Variants in SLC25A13 observed in about 807,000 individuals in gnomAD.
SLC25A13 encodes solute carrier family 25 member 13.
SLC25A13 carries 70 observed loss-of-function variants against 85.5 expected under a neutral mutation model. The observed-to-expected ratio is 0.82, with a 90% CI of 0.68 to 1.00. The LOEUF is 1.00. SLC25A13 is among the 50% of genes least tolerant of loss of function. The pLI is 0.00. For missense variants in SLC25A13, 765 were observed against 819.8 expected (o/e 0.93, Z 0.82); for synonymous variants, 259 against 288.7 (o/e 0.90, Z 1.04).
At chr7:96,310,781 T>C (rs1799920624) in intron 1 of SLC25A13, among the ~76,000 whole-genome samples, 1 of 152,236 alleles carries the variant, frequency 6.6e-6, no homozygotes, top group Non-Finnish European at 1.5e-5. Context: ...TGGCTCCTTT[T>C]AGGGAGCAAT....
chr7:96,184,196 A>G, intron 11 of SLC25A13, 81 bp downstream of exon 11: 1 of 1,513,066 alleles, frequency 6.6e-7, no homozygotes, highest in Non-Finnish European at 9.2e-7. Flanking sequence ...CAGTCTTGCT[A>G]ATTCATGTCA....
At position 96,281,343 on chromosome 7, in the gene SLC25A13, A is replaced by C. The variant is rs375806298; in HGVS notation, c.70-4005T>G. ...GAGGCAGAAGTTGCAGTGAGCTGAG[A>C]CCGCCCCATTGCACTCCAGCCTGGG... On this transcript the variant is annotated intron_variant, in intron 2 of 17. Transcript: ENST00000265631. 5.5e-3 allele frequency among the ~76,000 whole-genome samples: 808 copies of C among 147,732 alleles called. 10 individuals carry two copies. The highest frequency in any genetic ancestry group is 0.02 in the African/African-American group (780 of 39,694).
intron 3 of SLC25A13, among the ~76,000 whole-genome samples, chr7:96,261,872 C>T (rs1003403203): frequency 6.6e-6 from 1 of 152,058 alleles, no homozygotes; most frequent in Non-Finnish European, 1.5e-5. Flanking sequence ...ATCACATGGG[C>T]AAGGGAAAGA....
chr7:96,171,454 C>T lies in SLC25A13; in HGVS notation c.1230+18G>A. 3 of 1,608,206 alleles carry T rather than the reference C, an allele frequency of 1.9e-6. No individual in the cohort carries two copies. The highest frequency in any genetic ancestry group is 2.6e-6 in the Non-Finnish European group (3 of 1,174,730). ...GTACAAAATCCCTTAATAAGAAGCA[C>T]CAACTCAAAAGACTTACTGTAAGTT... On this transcript the variant is annotated intron_variant, in intron 12 of 17. Transcript: ENST00000265631.
intron 3 of SLC25A13, 66 bp downstream of exon 3, chr7:96,277,130 C>A: frequency 6.7e-7 from 1 of 1,484,098 alleles, no homozygotes; most frequent in South Asian, 1.3e-5. Flanking sequence ...ACTTCCTGGT[C>A]ATTAGAGCAA....
chr7:96,127,436 T>C (rs915684792), intron 15 of SLC25A13, among the ~76,000 whole-genome samples: 1 of 152,082 alleles, frequency 6.6e-6, no homozygotes, highest in Non-Finnish European at 1.5e-5. Context: ...ACTAGATACA[T>C]GAACAAAACA....
chr7:96,250,321 T>C (rs1797367058), intron 3 of SLC25A13, among the ~76,000 whole-genome samples: 1 of 152,172 alleles, frequency 6.6e-6, no homozygotes, highest in African/African-American at 2.4e-5. Context: ...GTAGATGCAA[T>C]ATCCTCAGTG....
At chr7:96,207,246 A>G (rs1478204573) in intron 5 of SLC25A13, among the ~76,000 whole-genome samples, 1 of 152,220 alleles carries the variant, frequency 6.6e-6, no homozygotes, top group Non-Finnish European at 1.5e-5. Context: ...AGACAGCAGG[A>G]CAAATTATAT....
rs1325366539 is a variant in SLC25A13 at position 96,120,715 on chromosome 7, CA to C, written c.*475del. ...TTTGTGCATGCTTACAATTTGAAGC[CA>C]GGCTGAATATATTTGATATATATTT... On this transcript the variant is annotated 3_prime_UTR_variant, in exon 18 of 18. Coordinates refer to ENST00000265631, the MANE Select transcript of SLC25A13 (RefSeq NM_014251.3). 1 of 454,238 alleles carries C rather than the reference CA, an allele frequency of 2.2e-6. No homozygotes were observed. The highest frequency in any genetic ancestry group is 4.4e-6 in the Non-Finnish European group (1 of 226,816). 28.1% of individuals were successfully genotyped at this position (454,238 alleles called of 1,614,324 possible).
chr7:96,270,799 C>T (rs1798212742), intron 3 of SLC25A13, among the ~76,000 whole-genome samples: 1 of 152,096 alleles, frequency 6.6e-6, no homozygotes, highest in Admixed American at 6.6e-5. Flanking sequence ...ATGAGAAGCC[C>T]TAAATCAAGA....
chr7:96,217,968 C>CAAATTACTT (rs1584469875), intron 4 of SLC25A13, among the ~76,000 whole-genome samples: 3 of 150,042 alleles, frequency 2.0e-5, no homozygotes, highest in Non-Finnish European at 4.4e-5. Flanking sequence ...TAACCCTGGG[C>CAAATTACTT]AAATTACTTA....
At chr7:96,306,568 G>A (rs1241238375) in intron 1 of SLC25A13, among the ~76,000 whole-genome samples, 4 of 149,612 alleles carry the variant, frequency 2.7e-5, no homozygotes, top group South Asian at 4.3e-4. Context: ...GCAGCCAAAC[G>A]GTAGAGAGCC....
chr7:96,122,056 C>T (rs893880235), intron 15 of SLC25A13, 59 bp from the exon 16 acceptor site: 2 of 1,606,910 alleles, frequency 1.2e-6, no homozygotes, highest in Non-Finnish European at 1.7e-6. Context: ...ATAAAAATAA[C>T]TGTGCTTTGA....
chr7:96,315,092 A>T (rs1800082684), intron 1 of SLC25A13, among the ~76,000 whole-genome samples: 1 of 152,206 alleles, frequency 6.6e-6, no homozygotes. Flanking sequence ...CCTCTATTCC[A>T]GGATTATCAC....
At chr7:96,305,597 A>G (rs1009405878) in intron 1 of SLC25A13, among the ~76,000 whole-genome samples, 4 of 152,220 alleles carry the variant, frequency 2.6e-5, no homozygotes, top group African/African-American at 9.6e-5. Context: ...TGATTGTGCT[A>G]TTCTGAAGAC....
At chr7:96,308,726 A>G (rs1336465154) in intron 1 of SLC25A13, among the ~76,000 whole-genome samples, 1 of 152,248 alleles carries the variant, frequency 6.6e-6, no homozygotes, top group Non-Finnish European at 1.5e-5. Flanking sequence ...AATATTTGAC[A>G]TAACAATTTA....
chr7:96,136,134 T>A (rs1278754736), intron 14 of SLC25A13, among the ~76,000 whole-genome samples: 1 of 152,186 alleles, frequency 6.6e-6, no homozygotes. Context: ...AGTTTAATTA[T>A]CAACTCTGCC....
At chr7:96,239,232 A>G (rs968897897) in intron 3 of SLC25A13, among the ~76,000 whole-genome samples, 2 of 149,878 alleles carry the variant, frequency 1.3e-5, no homozygotes, top group Non-Finnish European at 3.0e-5. Context: ...GGAGGTATAT[A>G]GATGAACCAT....
chr7:96,176,081 C>T (rs939586793), intron 11 of SLC25A13, among the ~76,000 whole-genome samples: 2 of 152,112 alleles, frequency 1.3e-5, no homozygotes, highest in Non-Finnish European at 2.9e-5. Flanking sequence ...ATCTGTGAAA[C>T]AATGAAAAGT....
Sources: allele counts gnomAD v4.1 joint callset (sites outside exome capture counted in the v4.1 genomes callset), GRCh38; gene constraint gnomAD v4.1.1; transcripts MANE v1.5; gene names NCBI Gene and HGNC (gene_info 2026-07-23, HGNC 2026-07-21).